ATG7: variants seen among roughly 807,000 people sequenced by gnomAD.
ATG7 encodes autophagy related 7, also known as ubiquitin-like modifier-activating enzyme ATG7.
ATG7 carries 70 observed loss-of-function variants against 82.4 expected under a neutral mutation model. The ratio of observed to expected loss-of-function variants is 0.85; its 90% CI spans 0.70 to 1.04. ATG7 has a LOEUF of 1.04. Among genes scored for constraint, ATG7 ranks in the 50% least tolerant of loss-of-function variants. The pLI is 0.00. For synonymous variants in ATG7, 287 were observed against 313.0 expected, an observed-to-expected ratio of 0.92 and a Z score of 0.88; for missense variants, 792 against 864.3, an observed-to-expected ratio of 0.92 and a Z score of 1.05.
chr3:11,466,124 GAGA>G lies in ATG7; in HGVS notation c.2079+39203_2079+39205del, dbSNP rs976351861. On this transcript the variant is annotated intron_variant, in intron 20 of 20. Coordinates refer to ENST00000693202, the MANE Select transcript of ATG7 (RefSeq NM_001349232.2). ...GAAAATGGAATAATCCCCCAGGCAT[GAGA>G]AGAACTCCAGCATTGAGGCTGCTGT... Among the ~76,000 whole-genome samples, 5 of 152,330 alleles carry G rather than the reference GAGA, an allele frequency of 3.3e-5. 1 individual carries two copies. Among genetic ancestry groups the G allele is most frequent in the African/African-American group, 1.2e-4 (5 of 41,574 alleles).
chr3:11,311,616 A>G (rs1948686415), intron 7 of ATG7, among the ~76,000 whole-genome samples: 2 of 152,050 alleles, frequency 1.3e-5, no homozygotes, highest in African/African-American at 4.8e-5. Flanking sequence ...AAAAAAAAAA[A>G]AAAAGATTTT....
intron 3 of ATG7, among the ~76,000 whole-genome samples, chr3:11,283,308 T>G (rs1365923502): frequency 6.6e-6 from 1 of 152,102 alleles, no homozygotes; most frequent in Non-Finnish European, 1.5e-5. Context: ...ACCACATTAG[T>G]CAGGCATTGT....
At chr3:11,520,201 G>T (rs1223308119) in intron 20 of ATG7, among the ~76,000 whole-genome samples, 1 of 152,166 alleles carries the variant, frequency 6.6e-6, no homozygotes, top group Non-Finnish European at 1.5e-5. Context: ...GGCAGAGCCA[G>T]GATTCGAACC....
chr3:11,305,538 A>G (rs918532440), intron 5 of ATG7, among the ~76,000 whole-genome samples: 1 of 152,196 alleles, frequency 6.6e-6, no homozygotes, highest in Admixed American at 6.5e-5. Context: ...TAGTTTACCA[A>G]CTGCTCTGCT....
intron 20 of ATG7, among the ~76,000 whole-genome samples, chr3:11,451,545 T>G (rs2085133129): frequency 6.6e-6 from 1 of 152,158 alleles, no homozygotes; most frequent in South Asian, 2.1e-4. Context: ...CTAATGATTT[T>G]CAACCCAGGG....
chr3:11,476,635 A>G (rs1203285382), intron 20 of ATG7, among the ~76,000 whole-genome samples: 2 of 152,224 alleles, frequency 1.3e-5, no homozygotes, highest in Non-Finnish European at 2.9e-5. Flanking sequence ...TTTATTCTCA[A>G]TGATGTTATA....
chr3:11,531,276 A>C (rs144068444), intron 20 of ATG7, among the ~76,000 whole-genome samples: 1 of 152,326 alleles, frequency 6.6e-6, no homozygotes, highest in Non-Finnish European at 1.5e-5. Flanking sequence ...AAGGAAGAGT[A>C]TGAATGTGAG....
At chr3:11,387,052 C>T (rs1186580561) in intron 19 of ATG7, among the ~76,000 whole-genome samples, 1 of 152,176 alleles carries the variant, frequency 6.6e-6, no homozygotes, top group Non-Finnish European at 1.5e-5. Flanking sequence ...TCCCTGTGGC[C>T]AAGTACCAAG....
intron 18 of ATG7, among the ~76,000 whole-genome samples, chr3:11,378,103 T>C (rs2152842951): frequency 7.1e-6 from 1 of 141,184 alleles, no homozygotes; most frequent in East Asian, 2.3e-4. Flanking sequence ...AACCTCTGCC[T>C]CCCAGGATCA....
chr3:11,306,563 G>C (rs1042313355), intron 5 of ATG7, among the ~76,000 whole-genome samples: 1 of 152,062 alleles, frequency 6.6e-6, no homozygotes, highest in South Asian at 2.1e-4. Context: ...TGTGACCTTA[G>C]GCAAGTTGCT....
downstream of ATG7, among the ~76,000 whole-genome samples, chr3:11,562,554 G>C (rs559734949): frequency 1.1e-4 from 16 of 152,342 alleles, no homozygotes; most frequent in African/African-American, 3.4e-4. Flanking sequence ...TCCAGGAAGA[G>C]ACCTCGGAGC....
At chr3:11,475,677 G>A in intron 20 of ATG7, among the ~76,000 whole-genome samples, 1 of 152,168 alleles carries the variant, frequency 6.6e-6, no homozygotes, top group African/African-American at 2.4e-5. Flanking sequence ...AGGAGAATTT[G>A]TTGATACTGT....
At chr3:11,440,674 C>CATTTTTTTTTTTTTTTTTTTTTTT (rs769737485) in intron 20 of ATG7, among the ~76,000 whole-genome samples, 1 of 39,484 alleles carries the variant, frequency 2.5e-5, no homozygotes, top group African/African-American at 1.1e-4. Flanking sequence ...TCCCCATTTG[C>CATTTTTTTTTTTTTTTTTTTTTTT]TTTTTTTTTT....
rs115565375 is a variant in ATG7, at chr3:11,420,627, C to G, written c.1957-6177C>G. On this transcript the variant is annotated intron_variant, in intron 19 of 20. Coordinates refer to ENST00000693202, the MANE Select transcript of ATG7 (RefSeq NM_001349232.2). ...CAATGCAGCTAATATTGCAGTAAAT[C>G]AAGTCTCACAATTCCTTTGGTTTCT... 3.3e-3 allele frequency among the ~76,000 whole-genome samples: 506 copies of G among 152,092 alleles called. 1 individual carries two copies. The highest frequency in any genetic ancestry group is 0.012 in the African/African-American group (483 of 41,490).
downstream of ATG7, chr3:11,558,430 T>C (rs1472971482): frequency 2.9e-6 from 4 of 1,391,906 alleles, no homozygotes; most frequent in Non-Finnish European, 3.8e-6. Flanking sequence ...AACATGGTTT[T>C]TGCAAATAAA....
chr3:11,552,970 C>T (rs923630053), intron 20 of ATG7, among the ~76,000 whole-genome samples: 5 of 152,208 alleles, frequency 3.3e-5, no homozygotes, highest in Admixed American at 6.5e-5. Flanking sequence ...CCCGAGTCCT[C>T]TTATGAACAG....
intron 20 of ATG7, among the ~76,000 whole-genome samples, chr3:11,490,811 C>T (rs1332903163): frequency 1.3e-5 from 2 of 152,234 alleles, no homozygotes; most frequent in African/African-American, 4.8e-5. Context: ...CCACTCTCTT[C>T]TGGCTTGTAG....
intron 1 of ATG7, among the ~76,000 whole-genome samples, chr3:11,275,494 G>A (rs1941552815): frequency 6.8e-6 from 1 of 147,806 alleles, no homozygotes; most frequent in Non-Finnish European, 1.5e-5. Flanking sequence ...GACTACAGGT[G>A]CCCACCACCA....
intron 19 of ATG7, among the ~76,000 whole-genome samples, chr3:11,421,481 C>A (rs761519056): frequency 2.2e-4 from 34 of 152,188 alleles, no homozygotes; most frequent in Admixed American, 7.2e-4. Context: ...CTCATCTGTT[C>A]AAGTTTGATC....
Sources: gnomAD v4.1 joint callset for allele counts (sites outside exome capture counted in the v4.1 genomes callset) on GRCh38, gnomAD v4.1.1 for gene constraint, MANE v1.5 for transcripts, NCBI Gene and HGNC (gene_info 2026-07-23, HGNC 2026-07-21) for gene names.